ROBO2: variants seen among roughly 807,000 people sequenced by gnomAD.
The protein encoded by ROBO2 is roundabout homolog 2.
ROBO2 carries 53 observed loss-of-function variants against 160.8 expected under a neutral mutation model. The ratio of observed to expected loss-of-function variants is 0.33; its 90% CI spans 0.26 to 0.41. ROBO2 has a LOEUF of 0.41. Among genes scored for constraint, ROBO2 ranks in the 10% least tolerant of loss-of-function variants. The pLI, the probability that ROBO2 is intolerant of heterozygous loss-of-function variation, is 1.00. For missense variants in ROBO2, 1,577 were observed against 1,722.4 expected, an observed-to-expected ratio of 0.92 and a Z score of 1.49; for synonymous variants, 664 against 611.7, an observed-to-expected ratio of 1.09 and a Z score of -1.26.
intron 2 of ROBO2, among the ~76,000 whole-genome samples, chr3:77,023,122 G>A (rs555944209): frequency 6.6e-6 from 1 of 152,242 alleles, no homozygotes; most frequent in Admixed American, 6.5e-5. Context: ...GGACCCAGGG[G>A]GAGGTAATTG....
intron 3 of ROBO2, 103 bp downstream of exon 3, chr3:77,477,674 G>A: frequency 1.7e-6 from 2 of 1,183,382 alleles, no homozygotes; most frequent in Non-Finnish European, 2.5e-6. Context: ...AATTGTATTT[G>A]AATGTTAATT....
intron 2 of ROBO2, among the ~76,000 whole-genome samples, chr3:76,548,373 T>A (rs557388944): frequency 6.2e-4 from 94 of 152,194 alleles, no homozygotes; most frequent in Non-Finnish European, 1.2e-3. Context: ...GGAAATAGTA[T>A]AAAACATGAG....
Position 76,712,217 on chromosome 3 carries a change from A to C in ROBO2, c.110-385797A>C, listed in dbSNP as rs2093308074. Among the ~76,000 whole-genome samples the C allele has an allele frequency of 2.0e-5, 3 of 152,226 alleles. No homozygotes were observed. In the South Asian group the frequency reaches 6.2e-4, roughly 32 times the overall value. ...TTATTTGCACCCTTGCAGAAAGCAA[A>C]TCAATAGATACAATCCTTACATAAG... On this transcript the variant is annotated intron_variant, in intron 2 of 26. Transcript: ENST00000487694.
intron 2 of ROBO2, among the ~76,000 whole-genome samples, chr3:76,572,786 G>C (rs1281890727): frequency 6.6e-6 from 1 of 152,128 alleles, no homozygotes; most frequent in Non-Finnish European, 1.5e-5. Context: ...AGCCCCTTGA[G>C]GGAATATTGC....
chr3:76,970,599 C>A (rs1262944565), intron 2 of ROBO2, among the ~76,000 whole-genome samples: 3 of 152,128 alleles, frequency 2.0e-5, no homozygotes, highest in Admixed American at 2.0e-4. Context: ...ACAGAAGAGT[C>A]TTTCCAGGAA....
intron 2 of ROBO2, among the ~76,000 whole-genome samples, chr3:76,708,618 G>A (rs2093221359): frequency 1.3e-5 from 2 of 152,160 alleles, no homozygotes; most frequent in South Asian, 4.1e-4. Context: ...AAAACAAAAA[G>A]CCTATCATAG....
At chr3:76,744,013 T>C (rs1455411813) in intron 2 of ROBO2, among the ~76,000 whole-genome samples, 1 of 152,144 alleles carries the variant, frequency 6.6e-6, no homozygotes, top group African/African-American at 2.4e-5. Context: ...ATTGAATAAC[T>C]ACTGTGTGTA....
intron 2 of ROBO2, among the ~76,000 whole-genome samples, chr3:77,108,193 T>C (rs1260130056): frequency 1.3e-5 from 2 of 150,350 alleles, no homozygotes; most frequent in African/African-American, 2.5e-5. Flanking sequence ...CATATATATG[T>C]ATACACATAT....
At chr3:77,129,011 G>C (rs1169457231) in intron 2 of ROBO2, among the ~76,000 whole-genome samples, 1 of 151,998 alleles carries the variant, frequency 6.6e-6, no homozygotes, top group Non-Finnish European at 1.5e-5. Flanking sequence ...AAAAGCTGTT[G>C]CGTGAGTATT....
At chr3:76,256,976 AACTC>A (rs200539699) in intron 2 of ROBO2, among the ~76,000 whole-genome samples, 1,743 of 152,070 alleles carry the variant, frequency 0.011, 19 homozygotes, top group Non-Finnish European at 0.017. Flanking sequence ...ATATCTCAAG[AACTC>A]ACTCACTACC....
chr3:76,812,648 C>T (rs1418730092), intron 2 of ROBO2, among the ~76,000 whole-genome samples: 1 of 151,840 alleles, frequency 6.6e-6, no homozygotes, highest in Non-Finnish European at 1.5e-5. Flanking sequence ...TTCAGTTGCA[C>T]ACAGAAGCAA....
intron 2 of ROBO2, among the ~76,000 whole-genome samples, chr3:76,084,956 A>G (rs2068956319): frequency 6.6e-6 from 1 of 152,088 alleles, no homozygotes; most frequent in African/African-American, 2.4e-5. Flanking sequence ...ACCCAACTAC[A>G]TTACTTAGGT....
chr3:76,705,942 T>C (rs1049937240), intron 2 of ROBO2, among the ~76,000 whole-genome samples: 8 of 152,162 alleles, frequency 5.3e-5, no homozygotes, highest in African/African-American at 1.4e-4. Flanking sequence ...AAGTCAATGA[T>C]TCTTTTTTCC....
intron 1 of ROBO2, among the ~76,000 whole-genome samples, chr3:77,047,311 T>C (rs4076070): frequency 0.018 from 2,684 of 152,302 alleles, 73 homozygotes; most frequent in African/African-American, 0.06. Flanking sequence ...TATGCCTCAG[T>C]GTCCTTACCT....
At chr3:77,613,189 C>T (rs1470862558) in intron 21 of ROBO2, among the ~76,000 whole-genome samples, 2 of 151,600 alleles carry the variant, frequency 1.3e-5, no homozygotes, top group African/African-American at 2.4e-5. Flanking sequence ...ATGCATATAA[C>T]ACATATTTCT....
chr3:76,051,768 C>T (rs2107818952), intron 2 of ROBO2, among the ~76,000 whole-genome samples: 1 of 152,162 alleles, frequency 6.6e-6, no homozygotes, highest in South Asian at 2.1e-4. Flanking sequence ...CACTTTAAAC[C>T]TGTGACAAAA....
chr3:75,957,477 A>G (rs921052263), intron 2 of ROBO2, among the ~76,000 whole-genome samples: 2 of 151,352 alleles, frequency 1.3e-5, no homozygotes, highest in Non-Finnish European at 3.0e-5. Context: ...AGCTTTCTAC[A>G]TAAGTTCCCG....
chr3:75,992,637 A>G (rs1334489841), intron 2 of ROBO2, among the ~76,000 whole-genome samples: 1 of 152,128 alleles, frequency 6.6e-6, no homozygotes, highest in African/African-American at 2.4e-5. Context: ...CACCTAGTGG[A>G]GCTGTGAGAA....
intron 2 of ROBO2, among the ~76,000 whole-genome samples, chr3:76,050,194 G>C (rs1219486913): frequency 6.6e-6 from 1 of 152,180 alleles, no homozygotes; most frequent in Admixed American, 6.5e-5. Flanking sequence ...TTGTGGCTAA[G>C]AGAAAAGCAG....
Sources: gnomAD v4.1 joint callset for allele counts (sites outside exome capture counted in the v4.1 genomes callset) on GRCh38, gnomAD v4.1.1 for gene constraint, MANE v1.5 for transcripts, NCBI Gene and HGNC (gene_info 2026-07-23, HGNC 2026-07-21) for gene names.